The following AKAP13 variants were observed in gnomAD, a reference collection of about 807,000 sequenced individuals.
AKAP13 encodes A-kinase anchoring protein 13.
In AKAP13, 80 loss-of-function variants were observed where a neutral mutation model predicts 264.5. The observed-to-expected ratio is 0.30, with a 90% CI of 0.25 to 0.36. The LOEUF (loss-of-function observed/expected upper bound fraction) is 0.36. AKAP13 is among the 10% of genes least tolerant of loss of function. AKAP13 has a pLI of 1.00. For missense variants in AKAP13, 3,712 were observed against 3,435.2 expected (o/e 1.08, Z -2.01); for synonymous variants, 1,380 against 1,250.2 (o/e 1.10, Z -2.19).
chr15:85,431,219 C>T (rs1384809), intron 1 of AKAP13, among the ~76,000 whole-genome samples: 41 of 152,252 alleles, frequency 2.7e-4, no homozygotes, highest in Non-Finnish European at 5.0e-4. Context: ...GTTTAGAAGC[C>T]TGATTTGCTA....
chr15:85,610,872 G>A (rs1184535449), intron 8 of AKAP13, among the ~76,000 whole-genome samples: 1 of 152,166 alleles, frequency 6.6e-6, no homozygotes, highest in Non-Finnish European at 1.5e-5. Flanking sequence ...CCAGCTACTT[G>A]GGAGGCTGAG....
intron 1 of AKAP13, among the ~76,000 whole-genome samples, chr15:85,458,379 A>ATTTTTTG (rs1394724996): frequency 1.9e-5 from 2 of 107,534 alleles, no homozygotes; most frequent in African/African-American, 1.1e-4. Context: ...CTTTTTTTGT[A>ATTTTTTG]TTTTTTGTTT....
intron 1 of AKAP13, among the ~76,000 whole-genome samples, chr15:85,382,450 G>C (rs2070331577): frequency 6.6e-6 from 1 of 152,114 alleles, no homozygotes; most frequent in African/African-American, 2.4e-5. Flanking sequence ...CACAGTACTC[G>C]CTCCATGGCT....
At position 85,724,218 on chromosome 15, in the gene AKAP13, C is replaced by T. The variant is rs75307015; in HGVS notation, c.6745+898C>T. On this transcript the variant is annotated intron_variant, in intron 26 of 36. Coordinates refer to ENST00000394518, the MANE Select transcript of AKAP13 (RefSeq NM_007200.5). The surrounding 1 kb of genome is among the most constrained non-coding windows in gnomAD (Gnocchi z 4.2). ...AGATAACTGCTATAGGAAATGCCCACGCATAGAACAAATGGTAAAGAAGTT... is the reference window on the plus strand; with the variant it reads ...AGATAACTGCTATAGGAAATGCCCATGCATAGAACAAATGGTAAAGAAGTT... Among the ~76,000 whole-genome samples, 865 of 152,248 alleles carry T rather than the reference C, an allele frequency of 5.7e-3. 11 individuals carry two copies. The highest frequency in any genetic ancestry group is 0.02 in the African/African-American group (813 of 41,536).
chr15:85,526,980 T>A (rs917773319), intron 3 of AKAP13, among the ~76,000 whole-genome samples: 9 of 142,540 alleles, frequency 6.3e-5, no homozygotes, highest in East Asian at 2.1e-4. Flanking sequence ...TTTGAGAGGG[T>A]GTCTCGCTCT....
Position 85,680,442 on chromosome 15 carries a change from C to T in AKAP13, c.5102-1716C>T, listed in dbSNP as rs533053130. Among the ~76,000 whole-genome samples the T allele has an allele frequency of 6.6e-5, 10 of 152,136 alleles. No homozygotes were observed. In the South Asian group the frequency reaches 1.0e-3, roughly 16 times the overall value. ...TTCCCTCTTACCTGGCTGTTGTTAC[C>T]ATGTGTTGTAAGTGAAATGAACAGA... On this transcript the variant is annotated intron_variant, in intron 14 of 36. Coordinates refer to ENST00000394518, the MANE Select transcript of AKAP13 (RefSeq NM_007200.5).
chr15:85,668,085 C>G (rs1265431944), intron 13 of AKAP13, among the ~76,000 whole-genome samples: 3 of 152,294 alleles, frequency 2.0e-5, no homozygotes, highest in African/African-American at 2.4e-5. Context: ...TCACTCTGAT[C>G]TAGACGAGTT....
chr15:85,638,563 G>A (rs373189694), intron 8 of AKAP13, among the ~76,000 whole-genome samples: 5 of 152,202 alleles, frequency 3.3e-5, no homozygotes, highest in African/African-American at 1.2e-4. Flanking sequence ...GAGGAGTATT[G>A]AAATCTTCAG....
chr15:85,620,225 C>G (rs1156478081), intron 8 of AKAP13: 2 of 1,511,040 alleles, frequency 1.3e-6, no homozygotes, highest in East Asian at 2.5e-5. Flanking sequence ...TGTTTTAGCG[C>G]TTTGAACCCG....
At chr15:85,570,094 A>AAAC (rs1459880265) in intron 5 of AKAP13, among the ~76,000 whole-genome samples, 1 of 149,118 alleles carries the variant, frequency 6.7e-6, no homozygotes, top group Non-Finnish European at 1.5e-5. Flanking sequence ...AAAAAAAAAA[A>AAAC]ACCACTGGAT....
intron 5 of AKAP13, among the ~76,000 whole-genome samples, chr15:85,549,510 T>G (rs1199873167): frequency 6.6e-6 from 1 of 152,246 alleles, no homozygotes; most frequent in Non-Finnish European, 1.5e-5. Context: ...GTTGGTACAT[T>G]ACAGATATTG....
At chr15:85,381,587 A>T (rs1260446566) in intron 1 of AKAP13, 7 of 137,908 alleles carry the variant, frequency 5.1e-5, no homozygotes, top group African/African-American at 1.6e-4. Flanking sequence ...AAAAACCCTA[A>T]AACTTTTTAA....
Position 85,735,023 on chromosome 15 carries a change from T to A in AKAP13, c.7314T>A (p.Asn2438Lys). 6.2e-7 allele frequency: 1 copy of A among 1,614,138 alleles called. No homozygotes were observed. The highest frequency in any genetic ancestry group is 8.5e-7 in the Non-Finnish European group (1 of 1,180,016). Residue 2438 changes from asparagine to lysine, a missense_variant, in exon 31 of 37, where the codon AAT (asparagine) becomes AAA (lysine). Coordinates refer to ENST00000394518, the MANE Select transcript of AKAP13 (RefSeq NM_007200.5). ...TCCTTCAGGGTTTGGTGAGTGGAAA[T>A]CTGGGAGGCACACTTGGGCCGACTG... ...VEILQGLVSG[N>K]LGGTLGPTVS...
chr15:85,659,071 T>A (rs1229823538), intron 12 of AKAP13, among the ~76,000 whole-genome samples: 1 of 152,228 alleles, frequency 6.6e-6, no homozygotes, highest in African/African-American at 2.4e-5. Flanking sequence ...CACCTGGCAT[T>A]TTCCATTCCA....
At chr15:85,629,919 A>G (rs930498983) in intron 8 of AKAP13, among the ~76,000 whole-genome samples, 2 of 151,546 alleles carry the variant, frequency 1.3e-5, no homozygotes, top group African/African-American at 2.4e-5. Flanking sequence ...AGCTGGGATT[A>G]CAGGCGCCCA....
intron 8 of AKAP13, among the ~76,000 whole-genome samples, chr15:85,605,983 A>G (rs2080305330): frequency 6.6e-6 from 1 of 150,830 alleles, no homozygotes; most frequent in Non-Finnish European, 1.5e-5. Flanking sequence ...TAGTGGGCAG[A>G]GTGGATGCCC....
intron 8 of AKAP13, among the ~76,000 whole-genome samples, chr15:85,638,984 C>A (rs1206794617): frequency 6.6e-6 from 1 of 152,178 alleles, no homozygotes; most frequent in Non-Finnish European, 1.5e-5. Flanking sequence ...GTCTTGAACT[C>A]CTGGCCTCAA....
chr15:85,745,894 TC>T lies in AKAP13; in HGVS notation c.*1218del, dbSNP rs2089354641. ...ATTTCTTCAAAAATACATGTAAAGG[TC>T]TGTTGTTGAATTGTACTCTGCCCCT... On this transcript the variant is annotated 3_prime_UTR_variant, in exon 37 of 37. Transcript: ENST00000394518. 2 of 152,170 alleles carry T rather than the reference TC, an allele frequency of 1.3e-5. No homozygotes were observed. The highest frequency in any genetic ancestry group is 4.8e-5 in the African/African-American group (2 of 41,430). The allele number at this position is 152,170 out of a possible 1,614,324, so 9.4% of individuals were successfully genotyped here.
intron 12 of AKAP13, among the ~76,000 whole-genome samples, chr15:85,661,689 C>T (rs2083353138): frequency 7.9e-6 from 1 of 126,430 alleles, no homozygotes; most frequent in South Asian, 2.3e-4. Context: ...CCATTACTCT[C>T]TAGCCTGGGC....
Sources: allele counts gnomAD v4.1 joint callset (sites outside exome capture counted in the v4.1 genomes callset), GRCh38; gene constraint gnomAD v4.1.1; non-coding constraint Gnocchi (gnomAD v3.1); transcripts MANE v1.5; gene names NCBI Gene and HGNC (gene_info 2026-07-23, HGNC 2026-07-21).